CDH13: variants seen among roughly 807,000 people sequenced by gnomAD.
The protein encoded by CDH13 is cadherin 13.
CDH13 carries 24 observed loss-of-function variants against 63.8 expected under a neutral mutation model. That is an observed-to-expected ratio of 0.38 (90% CI 0.27 to 0.53). The LOEUF (loss-of-function observed/expected upper bound fraction) is 0.53, where lower values mean the gene tolerates loss of function less well. CDH13 is among the 20% of genes least tolerant of loss of function. The probability of loss-of-function intolerance (pLI) is 0.85; values close to 1 mark genes in which losing one functional copy is unlikely to be tolerated. For missense variants in CDH13, 1,049 were observed against 903.1 expected (o/e 1.16, Z -2.07); for synonymous variants, 503 against 355.3 (o/e 1.42, Z -4.67).
intron 8 of CDH13, among the ~76,000 whole-genome samples, chr16:83,603,451 T>A (rs1908039790): frequency 6.6e-6 from 1 of 152,184 alleles, no homozygotes; most frequent in Admixed American, 6.5e-5. Context: ...ATGAGCTTAC[T>A]GTGATGCTCA....
chr16:83,456,262 T>C (rs1165580324), intron 6 of CDH13, among the ~76,000 whole-genome samples: 3 of 152,174 alleles, frequency 2.0e-5, no homozygotes, highest in Non-Finnish European at 2.9e-5. Flanking sequence ...GTTACAGGTG[T>C]CTCTGAACAT....
At chr16:83,422,541 T>G (rs2071748914) in intron 6 of CDH13, among the ~76,000 whole-genome samples, 3 of 152,238 alleles carry the variant, frequency 2.0e-5, no homozygotes, top group Non-Finnish European at 4.4e-5. Context: ...AATTAATACT[T>G]ACGATAAATG....
intron 1 of CDH13, among the ~76,000 whole-genome samples, chr16:82,648,385 C>A (rs140179805): frequency 6.6e-6 from 1 of 152,134 alleles, no homozygotes; most frequent in Non-Finnish European, 1.5e-5. Context: ...TTGCCACATG[C>A]CTGACTCTCC....
intron 7 of CDH13, among the ~76,000 whole-genome samples, chr16:83,596,152 G>A (rs1193568637): frequency 6.6e-6 from 1 of 152,176 alleles, no homozygotes; most frequent in Non-Finnish European, 1.5e-5. Flanking sequence ...CCTTGATAAT[G>A]GGGCCCCCTT....
chr16:83,250,566 C>T (rs911387424), intron 5 of CDH13, among the ~76,000 whole-genome samples: 1 of 152,142 alleles, frequency 6.6e-6, no homozygotes, highest in Admixed American at 6.5e-5. Flanking sequence ...CAGAGGTATG[C>T]ACTGAGACGC....
At chr16:83,248,822 A>G (rs1905213733) in intron 5 of CDH13, among the ~76,000 whole-genome samples, 1 of 152,176 alleles carries the variant, frequency 6.6e-6, no homozygotes, top group Non-Finnish European at 1.5e-5. Flanking sequence ...CCTGTCTACC[A>G]CAGAACTCTC....
rs755515430 is a variant in CDH13 at position 83,486,586 on chromosome 16, C to T, written c.891C>T (p.Asn297=). The part of the protein sequence containing the change: ...RQQTPDKPSP[N]MFYIDPEKGD... Reference sequence around the variant, plus strand: ...AGACGCCTGACAAGCCATCTCCCAACATGTTCTACATCGATCCTGAGAAAG... The same window carrying T: ...AGACGCCTGACAAGCCATCTCCCAATATGTTCTACATCGATCCTGAGAAAG... The change falls in exon 7 of 14, where the codon AAC becomes AAT. Residue 297 remains asparagine, a synonymous_variant. Coordinates refer to ENST00000567109, the MANE Select transcript of CDH13 (RefSeq NM_001257.5). 2 of 1,613,954 alleles carry T rather than the reference C, an allele frequency of 1.2e-6. No homozygotes were observed. The highest frequency in any genetic ancestry group is 2.2e-5 in the South Asian group (2 of 91,084).
chr16:82,744,418 AT>A (rs1473836026), intron 1 of CDH13, among the ~76,000 whole-genome samples: 7 of 152,058 alleles, frequency 4.6e-5, no homozygotes, highest in African/African-American at 1.7e-4. Flanking sequence ...TGAGTTTGGG[AT>A]TGTTCCTCGG....
At chr16:82,934,595 A>C (rs575027411) in intron 2 of CDH13, among the ~76,000 whole-genome samples, 2 of 152,002 alleles carry the variant, frequency 1.3e-5, no homozygotes, top group South Asian at 4.1e-4. Context: ...TTTCTTTTCT[A>C]TTGCATTGTC....
rs1004286607 is a variant in CDH13 at position 83,047,177 on chromosome 16, T to A, written c.366+14959T>A. On this transcript the variant is annotated intron_variant, in intron 3 of 13. Coordinates refer to ENST00000567109, the MANE Select transcript of CDH13 (RefSeq NM_001257.5). The surrounding 1 kb of genome is among the most constrained non-coding windows in gnomAD (Gnocchi z 4.9). The stretch of plus-strand genomic sequence containing the variant: ...GACCCAAGGAAAGGTCTGCAGACTA[T>A]AAGCAGACTTTATCTGAAGACCACC... 1.3e-5 allele frequency among the ~76,000 whole-genome samples: 2 copies of A among 152,208 alleles called. No individual in the cohort carries two copies. Among genetic ancestry groups the A allele is most frequent in the African/African-American group, 4.8e-5 (2 of 41,454 alleles).
intron 6 of CDH13, among the ~76,000 whole-genome samples, chr16:83,481,282 A>G (rs962033325): frequency 3.3e-5 from 5 of 152,160 alleles, no homozygotes; most frequent in African/African-American, 1.2e-4. Context: ...AGCATTTTGT[A>G]AAAAATGAGC....
intron 6 of CDH13, among the ~76,000 whole-genome samples, chr16:83,417,343 C>T (rs144939996): frequency 1.8e-4 from 28 of 152,298 alleles, no homozygotes; most frequent in African/African-American, 6.3e-4. Context: ...CAGCCCCTTT[C>T]TTTTTCACCT....
chr16:83,080,406 A>G (rs2033149631), intron 3 of CDH13, among the ~76,000 whole-genome samples: 1 of 152,222 alleles, frequency 6.6e-6, no homozygotes, highest in Non-Finnish European at 1.5e-5. Flanking sequence ...AATTAAATGA[A>G]TAAGAATAGG....
chr16:83,045,542 C>A (rs1032224691), intron 3 of CDH13, among the ~76,000 whole-genome samples: 8 of 149,226 alleles, frequency 5.4e-5, no homozygotes, highest in Admixed American at 1.4e-4. Context: ...GAGGCTGAGG[C>A]AGGAGAATCG....
chr16:82,645,755 T>G (rs767125551), intron 1 of CDH13, among the ~76,000 whole-genome samples: 8 of 152,192 alleles, frequency 5.3e-5, no homozygotes, highest in Non-Finnish European at 1.0e-4. Context: ...TCATGTATAA[T>G]TTTTCAAAAG....
chr16:82,994,679 A>G (rs1476139671), intron 2 of CDH13, among the ~76,000 whole-genome samples: 2 of 152,234 alleles, frequency 1.3e-5, no homozygotes, highest in Non-Finnish European at 2.9e-5. Flanking sequence ...TTAGTCTTTG[A>G]CAAATGAAAC....
intron 1 of CDH13, among the ~76,000 whole-genome samples, chr16:82,678,040 C>T (rs1914129025): frequency 6.6e-6 from 1 of 152,140 alleles, no homozygotes. Context: ...AAGCATTGCA[C>T]AGAAGGCTTG....
chr16:82,958,935 G>C (rs571886945), intron 2 of CDH13, among the ~76,000 whole-genome samples: 7 of 152,232 alleles, frequency 4.6e-5, no homozygotes, highest in Non-Finnish European at 8.8e-5. Flanking sequence ...TACCCCCAAG[G>C]TTTTCCTGGT....
At chr16:83,206,468 A>G (rs1378552221) in intron 4 of CDH13, among the ~76,000 whole-genome samples, 3 of 152,162 alleles carry the variant, frequency 2.0e-5, no homozygotes, top group African/African-American at 7.2e-5. Context: ...TGTGCCCTGG[A>G]TCTCATGCCC....
Sources: gnomAD v4.1 joint callset for allele counts (sites outside exome capture counted in the v4.1 genomes callset) on GRCh38, gnomAD v4.1.1 for gene constraint, Gnocchi (gnomAD v3.1) non-coding constraint, MANE v1.5 for transcripts, NCBI Gene and HGNC (gene_info 2026-07-23, HGNC 2026-07-21) for gene names.